ADCY2: variants seen among roughly 807,000 people sequenced by gnomAD.
ADCY2 encodes adenylate cyclase type 2.
Under a neutral mutation model 125.2 loss-of-function variants are expected in ADCY2, and 31 were observed. The ratio of observed to expected loss-of-function variants is 0.25; its 90% CI spans 0.19 to 0.33. ADCY2 has a LOEUF of 0.33. ADCY2 is among the 10% of genes least tolerant of loss of function. The pLI, the probability that ADCY2 is intolerant of heterozygous loss-of-function variation, is 1.00. For synonymous variants in ADCY2, 512 were observed against 548.4 expected, an observed-to-expected ratio of 0.93 and a Z score of 0.93; for missense variants, 904 against 1,418.2, an observed-to-expected ratio of 0.64 and a Z score of 5.82.
intron 2 of ADCY2, among the ~76,000 whole-genome samples, chr5:7,438,661 A>G (rs961032663): frequency 1.3e-4 from 20 of 152,180 alleles, no homozygotes; most frequent in African/African-American, 4.6e-4. Flanking sequence ...TATGTGACTT[A>G]ATTTCTTTGA....
At chr5:7,646,889 G>A (rs940863872) in intron 4 of ADCY2, among the ~76,000 whole-genome samples, 4 of 152,214 alleles carry the variant, frequency 2.6e-5, no homozygotes, top group Non-Finnish European at 5.9e-5. Context: ...GGGCAATTTC[G>A]GCCACCATCT....
At chr5:7,411,412 T>C (rs1219402548) in intron 1 of ADCY2, among the ~76,000 whole-genome samples, 1 of 152,242 alleles carries the variant, frequency 6.6e-6, no homozygotes. Flanking sequence ...CTGAGGATCA[T>C]GACCTAGATT....
chr5:7,802,808 T>C lies in ADCY2; in HGVS notation c.2775+444T>C, dbSNP rs1460484144. Among the ~76,000 whole-genome samples the C allele has an allele frequency of 6.6e-6, 1 of 152,232 alleles. No homozygotes were observed. ...TAAAATTATAATCTGTATGGGGGGA[T>C]AATACAACATACTTTAGGAGGGACA... On this transcript the variant is annotated intron_variant, in intron 21 of 24. Transcript: ENST00000338316. This position sits in a 1 kb window ranked among gnomAD's most constrained non-coding sequence, Gnocchi z 4.6.
chr5:7,652,088 C>G (rs539290353), intron 4 of ADCY2, among the ~76,000 whole-genome samples: 1 of 152,282 alleles, frequency 6.6e-6, no homozygotes, highest in Non-Finnish European at 1.5e-5. Flanking sequence ...AGGCGTGAGC[C>G]CCCGCACCTG....
chr5:7,471,623 A>G (rs1742340845), intron 2 of ADCY2, among the ~76,000 whole-genome samples: 1 of 152,024 alleles, frequency 6.6e-6, no homozygotes, highest in African/African-American at 2.4e-5. Context: ...GTTATTTTAA[A>G]AGGTAAAAAT....
rs908471989 is a variant in ADCY2 at position 7,755,614 on chromosome 5, G to A, written c.1957-1835G>A. Among the ~76,000 whole-genome samples, 8 of 152,274 alleles carry A rather than the reference G, an allele frequency of 5.3e-5. 1 individual carries two copies. The South Asian group carries it at 1.0e-3, about 20-fold the overall frequency. ...TTAAACCTCTGCAAAGACAGAGGAG[G>A]CAGGTACTGTTATTATCCCCGTTTC... On this transcript the variant is annotated intron_variant, in intron 15 of 24. Coordinates refer to ENST00000338316, the MANE Select transcript of ADCY2 (RefSeq NM_020546.3).
rs5865718 is a variant in ADCY2 at position 7,523,315 on chromosome 5, T to TAAA, written c.570+2431_570+2433dup. 5.6e-3 allele frequency among the ~76,000 whole-genome samples: 754 copies of TAAA among 135,680 alleles called. 8 individuals carry two copies. Among genetic ancestry groups the TAAA allele is most frequent in the African/African-American group, 0.019 (702 of 37,166 alleles). The allele number at this position is 135,680 out of a possible 152,430, so 89.0% of individuals were successfully genotyped here. On this transcript the variant is annotated intron_variant, in intron 3 of 24. Coordinates refer to ENST00000338316, the MANE Select transcript of ADCY2 (RefSeq NM_020546.3). The stretch of plus-strand genomic sequence containing the variant: ...AAGCATTTTTATTTTCCTGCATTGG[T>TAAA]AAAAAAAAAAAAAAAAAGTGGGAAA...
At position 7,804,637 on chromosome 5, in the gene ADCY2, G is replaced by A. The variant is rs746622373; in HGVS notation, c.2828G>A (p.Ser943Asn). 1 of 1,614,078 alleles carries A rather than the reference G, an allele frequency of 6.2e-7. No homozygotes were observed. Among genetic ancestry groups the A allele is most frequent in the Non-Finnish European group, 8.5e-7 (1 of 1,180,036 alleles). ...SGVEKIKTIG[S>N]TYMAATGLSA... is the part of the protein sequence containing the mutation. ...GTTGAAAAGATTAAGACCATTGGCA[G>A]CACATACATGGCAGCAACAGGTCTG... Residue 943 changes from serine (S) to asparagine (N), a missense_variant, in exon 22 of 25, where the codon AGC becomes AAC. By Grantham distance (46) the Ser-to-Asn change is conservative. Transcript: ENST00000338316.
chr5:7,437,576 T>G (rs1740853341), intron 2 of ADCY2, among the ~76,000 whole-genome samples: 1 of 152,234 alleles, frequency 6.6e-6, no homozygotes, highest in Non-Finnish European at 1.5e-5. Flanking sequence ...ATGTGGGAGA[T>G]TTGCAAAGAT....
At position 7,667,211 on chromosome 5, in the gene ADCY2, C is replaced by T. The variant is rs1205044514; in HGVS notation, c.721-23480C>T. On this transcript the variant is annotated intron_variant, in intron 4 of 24. Coordinates refer to ENST00000338316, the MANE Select transcript of ADCY2 (RefSeq NM_020546.3). ...TCCACTTTCCTGATGAGGGAAAGTGCAAGAGTAAACAAATAATAGGTGTCT... is the reference window on the plus strand; with the variant it reads ...TCCACTTTCCTGATGAGGGAAAGTGTAAGAGTAAACAAATAATAGGTGTCT... Among the ~76,000 whole-genome samples the T allele has an allele frequency of 4.6e-5, 7 of 152,114 alleles. No homozygotes were observed. In the East Asian group the frequency reaches 7.7e-4, roughly 17 times the overall value.
intron 21 of ADCY2, among the ~76,000 whole-genome samples, chr5:7,803,577 C>A (rs116504582): frequency 0.016 from 2,399 of 152,198 alleles, 67 homozygotes; most frequent in African/African-American, 0.055. Flanking sequence ...TCAAGTGGGA[C>A]GCTGATAACT....
At chr5:7,757,639 G>A (rs916810541) in intron 16 of ADCY2, 53 bp downstream of exon 16, 11 of 1,563,370 alleles carry the variant, frequency 7.0e-6, no homozygotes, top group South Asian at 2.3e-5. Flanking sequence ...GAGCATGGCC[G>A]TGTTCAACAT....
intron 2 of ADCY2, among the ~76,000 whole-genome samples, chr5:7,503,339 A>G (rs1186688398): frequency 6.6e-6 from 1 of 152,238 alleles, no homozygotes; most frequent in African/African-American, 2.4e-5. Flanking sequence ...ATTCAAGTGC[A>G]TCACCACAGA....
At chr5:7,665,197 A>C (rs1739670461) in intron 4 of ADCY2, among the ~76,000 whole-genome samples, 1 of 152,190 alleles carries the variant, frequency 6.6e-6, no homozygotes, top group South Asian at 2.1e-4. Context: ...CAAATATTTT[A>C]CAGAGTTTGA....
chr5:7,445,730 C>A (rs745813565), intron 2 of ADCY2, among the ~76,000 whole-genome samples: 5 of 152,136 alleles, frequency 3.3e-5, no homozygotes, highest in Non-Finnish European at 7.4e-5. Context: ...ATCATTCATT[C>A]ATTCAATTAT....
intron 3 of ADCY2, among the ~76,000 whole-genome samples, chr5:7,553,175 G>A (rs1049574795): frequency 2.6e-5 from 4 of 152,188 alleles, no homozygotes; most frequent in African/African-American, 4.8e-5. Context: ...GTGAACCCAC[G>A]ATCTCTGTAC....
chr5:7,805,457 TGAGAGAGA>T (rs370289821), intron 22 of ADCY2, among the ~76,000 whole-genome samples: 1 of 150,580 alleles, frequency 6.6e-6, no homozygotes, highest in Non-Finnish European at 1.5e-5. Flanking sequence ...TGTGTGTGTG[TGAGAGAGA>T]GAGAGAGAGA....
intron 4 of ADCY2, among the ~76,000 whole-genome samples, chr5:7,656,872 G>T (rs1029775726): frequency 6.6e-6 from 1 of 152,134 alleles, no homozygotes; most frequent in African/African-American, 2.4e-5. Flanking sequence ...ACATAGTAAC[G>T]GTTGAGTATC....
At chr5:7,562,349 G>A (rs1435154585) in intron 3 of ADCY2, among the ~76,000 whole-genome samples, 1 of 151,638 alleles carries the variant, frequency 6.6e-6, no homozygotes, top group Non-Finnish European at 1.5e-5. Context: ...TTAAACTCTG[G>A]GAAAGATATT....
Sources: allele counts gnomAD v4.1 joint callset (sites outside exome capture counted in the v4.1 genomes callset), GRCh38; gene constraint gnomAD v4.1.1; non-coding constraint Gnocchi (gnomAD v3.1); transcripts MANE v1.5; gene names NCBI Gene and HGNC (gene_info 2026-07-23, HGNC 2026-07-21).